Variants in TGIF2 observed in about 807,000 individuals in gnomAD.
TGIF2 encodes TGFB induced factor homeobox 2, also known as homeobox protein TGIF2.
TGIF2 carries 5 observed loss-of-function variants against 15.1 expected under a neutral mutation model. The ratio of observed to expected loss-of-function variants is 0.33; its 90% CI spans 0.17 to 0.70. The LOEUF (loss-of-function observed/expected upper bound fraction) is 0.70, where lower values mean the gene tolerates loss of function less well. TGIF2 is among the 30% of genes least tolerant of loss of function. The probability of loss-of-function intolerance (pLI) is 0.67; values close to 1 mark genes in which losing one functional copy is unlikely to be tolerated. For synonymous variants in TGIF2, 131 were observed against 128.9 expected (o/e 1.02, Z -0.11); for missense variants, 264 against 302.5 (o/e 0.87, Z 0.94).
intron 2 of TGIF2, among the ~76,000 whole-genome samples, chr20:36,589,472 A>C (rs2038724966): frequency 6.6e-6 from 1 of 151,720 alleles, no homozygotes; most frequent in East Asian, 1.9e-4. Flanking sequence ...GGCTCACTGC[A>C]ACCTCTGCCT....
At chr20:36,579,178 T>A (rs543054617) in intron 2 of TGIF2, among the ~76,000 whole-genome samples, 10 of 152,104 alleles carry the variant, frequency 6.6e-5, no homozygotes, top group African/African-American at 2.4e-4. Context: ...CTTTAGATAG[T>A]CCTTTTTTTT....
chr20:36,588,265 A>C (rs1046074285), intron 2 of TGIF2, among the ~76,000 whole-genome samples: 1 of 151,492 alleles, frequency 6.6e-6, no homozygotes, highest in Non-Finnish European at 1.5e-5. Flanking sequence ...ACATAATGCA[A>C]GTGAGGTGGC....
chr20:36,580,064 A>G (rs1009870740), intron 2 of TGIF2, among the ~76,000 whole-genome samples: 2 of 152,118 alleles, frequency 1.3e-5, no homozygotes, highest in South Asian at 4.1e-4. Flanking sequence ...CAAGAGGCCC[A>G]GCCCTGCCCT....
At position 36,593,668 on chromosome 20, in the gene TGIF2, A is replaced by T. The variant is rs767762558; in HGVS notation, c.*2237A>T. The T allele has an allele frequency of 7.2e-5, 11 of 152,674 alleles. No homozygotes were observed. Among genetic ancestry groups the T allele is most frequent in the Admixed American group, 1.3e-4 (2 of 15,264 alleles). The allele number at this position is 152,674 out of a possible 1,614,324, so 9.5% of individuals were successfully genotyped here. The stretch of plus-strand genomic sequence containing the variant: ...GCAACTGCTGCAGGATGCCTGTAGT[A>T]GGGAACTCTGGAAGTGTATTGGGCT... On this transcript the variant is annotated 3_prime_UTR_variant, in exon 3 of 3. Transcript: ENST00000373872.
At chr20:36,580,341 G>C (rs756744098) in intron 2 of TGIF2, among the ~76,000 whole-genome samples, 5 of 152,150 alleles carry the variant, frequency 3.3e-5, no homozygotes, top group African/African-American at 4.8e-5. Context: ...CTCTGTATGA[G>C]AAAGGCTCTA....
At chr20:36,580,813 CAAAAAAAA>C (rs71184101) in intron 2 of TGIF2, among the ~76,000 whole-genome samples, 9 of 45,928 alleles carry the variant, frequency 2.0e-4, no homozygotes, top group Admixed American at 3.3e-4. Context: ...GACATTGTCT[CAAAAAAAA>C]AAAAAAAAAA....
At chr20:36,575,601 C>T (rs1305410016) in intron 1 of TGIF2, among the ~76,000 whole-genome samples, 1 of 152,272 alleles carries the variant, frequency 6.6e-6, no homozygotes, top group East Asian at 1.9e-4. Flanking sequence ...CTCCAGGTGG[C>T]CTGACTGAAA....
rs1425266123 is a variant in TGIF2 at position 36,592,129 on chromosome 20, T to G, written c.*698T>G. 1 of 151,500 alleles carries G rather than the reference T, an allele frequency of 6.6e-6. No individual in the cohort carries two copies. The highest frequency in any genetic ancestry group is 1.5e-5 in the Non-Finnish European group (1 of 67,828). The allele number at this position is 151,500 out of a possible 1,614,324, so 9.4% of individuals were successfully genotyped here. ...GCAGTAGTGTGAAATTCCAAATGGTTGTTTTATCATTGGTTTGGTTTACCA... is the reference window on the plus strand; with the variant it reads ...GCAGTAGTGTGAAATTCCAAATGGTGGTTTTATCATTGGTTTGGTTTACCA... On this transcript the variant is annotated 3_prime_UTR_variant, in exon 3 of 3. Coordinates refer to ENST00000373872, the MANE Select transcript of TGIF2 (RefSeq NM_021809.7).
rs749040539 is a variant in TGIF2, at chr20:36,591,409, T to C, written c.692T>C (p.Leu231Ser). 1.2e-6 allele frequency: 2 copies of C among 1,608,466 alleles called. No individual in the cohort carries two copies. Among genetic ancestry groups the C allele is most frequent in the Admixed American group, 1.7e-5 (1 of 59,654 alleles). Residue 231 changes from leucine (L) to serine (S), a missense_variant, in exon 3 of 3, where the codon TTA becomes TCA. Transcript: ENST00000373872. The surrounding 1 kb of genome is among the most constrained non-coding windows in gnomAD (Gnocchi z 5.3). ...CCATTACTGCACACTCCCATCCCTT[T>C]AGTCTCTGAAAATCCCCAGTAGGCA... ...SLPLLHTPIPLVSENPQ is the reference protein window; with the variant it reads ...SLPLLHTPIPSVSENPQ
chr20:36,591,000 C>G lies in TGIF2; in HGVS notation c.283C>G (p.Arg95Gly). 3 of 1,589,642 alleles carry G rather than the reference C, an allele frequency of 1.9e-6. No individual in the cohort carries two copies. Among genetic ancestry groups the G allele is most frequent in the Non-Finnish European group, 2.6e-6 (3 of 1,163,092 alleles). Residue 95 changes from arginine to glycine, a missense_variant, in exon 3 of 3, where the codon CGC becomes GGC. Transcript: ENST00000373872. ...GKDPNQFTIS[R>G]RGGKASDVAL... ...AGACCCTAATCAGTTTACCATTTCCCGCCGCGGGGGTAAGGCCTCAGATGT... is the reference window on the plus strand; with the variant it reads ...AGACCCTAATCAGTTTACCATTTCCGGCCGCGGGGGTAAGGCCTCAGATGT...
chr20:36,592,386 T>C lies in TGIF2; in HGVS notation c.*955T>C, dbSNP rs75858122. 1 of 146,606 alleles carries C rather than the reference T, an allele frequency of 6.8e-6. No homozygotes were observed. Among genetic ancestry groups the C allele is most frequent in the Admixed American group, 6.8e-5 (1 of 14,802 alleles). 9.1% of individuals were successfully genotyped at this position (146,606 alleles called of 1,614,324 possible). A position where few individuals can be genotyped will look rare whatever the true frequency, so the allele number is the denominator to read the frequency against. On this transcript the variant is annotated 3_prime_UTR_variant, in exon 3 of 3. Coordinates refer to ENST00000373872, the MANE Select transcript of TGIF2 (RefSeq NM_021809.7). ...AAGTAAACTAGACTGAAGCGATGGA[T>C]TTTTTTTTTCTTTTTTTTCTTTAGT...
intron 2 of TGIF2, among the ~76,000 whole-genome samples, chr20:36,586,195 G>C (rs768725786): frequency 2.6e-5 from 4 of 152,200 alleles, no homozygotes; most frequent in Non-Finnish European, 4.4e-5. Flanking sequence ...TCATCTGTGT[G>C]TATGTTTTTT....
chr20:36,574,048 C>T (rs2038358239), intron 1 of TGIF2, among the ~76,000 whole-genome samples: 1 of 148,718 alleles, frequency 6.7e-6, no homozygotes, highest in African/African-American at 2.5e-5. Context: ...GATCCTGCAC[C>T]GGACCTGAGT....
At chr20:36,576,059 T>C (rs901866703) in intron 1 of TGIF2, among the ~76,000 whole-genome samples, 1 of 149,832 alleles carries the variant, frequency 6.7e-6, no homozygotes. Context: ...GCCACTGCAC[T>C]CCAGCCTAGG....
At chr20:36,588,405 G>A (rs1428978155) in intron 2 of TGIF2, among the ~76,000 whole-genome samples, 9 of 116,168 alleles carry the variant, frequency 7.7e-5, no homozygotes, top group Admixed American at 5.0e-4. Context: ...TTGCTTTGTC[G>A]CGCAGGCTGG....
At chr20:36,575,372 C>G (rs2038406354) in intron 1 of TGIF2, among the ~76,000 whole-genome samples, 1 of 151,844 alleles carries the variant, frequency 6.6e-6, no homozygotes, top group East Asian at 1.9e-4. Context: ...GGGGTCATTC[C>G]CCAGGGCCCA....
At chr20:36,586,701 C>A (rs1377778820) in intron 2 of TGIF2, among the ~76,000 whole-genome samples, 9 of 148,218 alleles carry the variant, frequency 6.1e-5, no homozygotes, top group South Asian at 2.2e-4. Flanking sequence ...TTTCCCCCCC[C>A]CCAAAAAAAA....
rs368095441 is a variant in TGIF2 at position 36,574,071 on chromosome 20, G to A, written c.-35+326G>A. ...ACCGGACCTGAGTGAGCGCGCGGGG[G>A]GACGGATTTGTTTGGTTTCAAAAGT... On this transcript the variant is annotated intron_variant, in intron 1 of 2. Transcript: ENST00000373872. Among the ~76,000 whole-genome samples the A allele has an allele frequency of 1.4e-3, 214 of 151,722 alleles. 4 individuals carry two copies. The East Asian group carries it at 0.035, about 25-fold the overall frequency.
At chr20:36,590,839 G>A in intron 2 of TGIF2, 71 bp from the exon 3 acceptor site, 4 of 1,468,952 alleles carry the variant, frequency 2.7e-6, no homozygotes, top group South Asian at 3.0e-5. Context: ...GATTACAGGT[G>A]TGAGCCACTG....
Sources: allele counts gnomAD v4.1 joint callset (sites outside exome capture counted in the v4.1 genomes callset), GRCh38; gene constraint gnomAD v4.1.1; non-coding constraint Gnocchi (gnomAD v3.1); transcripts MANE v1.5; gene names NCBI Gene and HGNC (gene_info 2026-07-23, HGNC 2026-07-21).